Variants in SLC44A5 observed in about 807,000 individuals in gnomAD.
The protein encoded by SLC44A5 is solute carrier family 44 member 5.
A neutral mutation model predicts 101.8 loss-of-function variants in SLC44A5; 57 were observed. That is an observed-to-expected ratio of 0.56 (90% CI 0.45 to 0.70). SLC44A5 has a LOEUF of 0.70. Ranked by LOEUF, SLC44A5 falls within the 30% of genes least tolerant of loss-of-function variation. The probability of loss-of-function intolerance (pLI) is 0.00; values close to 1 mark genes in which losing one functional copy is unlikely to be tolerated. For missense variants in SLC44A5, 737 were observed against 853.1 expected (o/e 0.86, Z 1.70); for synonymous variants, 281 against 290.9 (o/e 0.97, Z 0.35).
In SLC44A5 at chr1:75,203,780, G is replaced by A; in HGVS notation, c.2101C>T (p.Gln701Ter). 8 of 1,550,080 alleles carry A rather than the reference G, an allele frequency of 5.2e-6. No homozygotes were observed. In the South Asian group the frequency reaches 9.6e-5, roughly 19 times the overall value. The change falls in exon 24 of 24, where the codon CAA (glutamine) becomes TAA (stop). Residue 701 changes from glutamine (Q) to a stop codon, truncating the protein, a stop_gained. Transcript: ENST00000370859. LOFTEE classifies it low-confidence loss of function (END_TRUNC). ...GSTARPYYVSQPLLKIFQEEN... is the reference protein window; with the variant it reads ...GSTARPYYVS ...TCCTGGAAAATCTTCAGCAAAGGTTGACTCACATAATAAGGTCTTGCAGTA... is the reference window on the plus strand; with the variant it reads ...TCCTGGAAAATCTTCAGCAAAGGTTAACTCACATAATAAGGTCTTGCAGTA...
chr1:75,397,364 G>A (rs1194571321), intron 2 of SLC44A5, among the ~76,000 whole-genome samples: 1 of 152,104 alleles, frequency 6.6e-6, no homozygotes, highest in Admixed American at 6.6e-5. Context: ...ATTAATTAGA[G>A]CTATTGAAAA....
intron 2 of SLC44A5, among the ~76,000 whole-genome samples, chr1:75,501,602 G>C (rs1011772485): frequency 6.6e-6 from 1 of 152,016 alleles, no homozygotes; most frequent in Non-Finnish European, 1.5e-5. Context: ...TCATTATATT[G>C]AAAGAAACAT....
chr1:75,508,377 A>G (rs893461733), intron 2 of SLC44A5, among the ~76,000 whole-genome samples: 6 of 152,130 alleles, frequency 3.9e-5, no homozygotes, highest in Non-Finnish European at 7.4e-5. Context: ...AGCTTATCAC[A>G]CTAAACACCT....
At chr1:75,229,915 C>T (rs1223411814) in intron 12 of SLC44A5, among the ~76,000 whole-genome samples, 2 of 152,170 alleles carry the variant, frequency 1.3e-5, no homozygotes, top group Non-Finnish European at 2.9e-5. Flanking sequence ...ATGGTTTCAT[C>T]GGTTCTAGAA....
Position 75,219,848 on chromosome 1 carries a change from G to T in SLC44A5, c.1130C>A (p.Thr377Asn), listed in dbSNP as rs1021472543. The T allele has an allele frequency of 3.1e-6, 5 of 1,612,740 alleles. No individual in the cohort carries two copies. In the African/African-American group the frequency reaches 4.0e-5, roughly 13 times the overall value. Residue 377 changes from threonine (T) to asparagine (N), a missense_variant, in exon 15 of 24, where the codon ACT becomes AAT. Physicochemically the swap from Thr to Asn is moderately conservative, Grantham distance 65 (BLOSUM62 0). Around this residue, in one of 3 missense-constraint regions of SLC44A5, gnomAD observed 665 missense variants for 764.4 expected, o/e 0.87. Transcript: ENST00000370859. ...VPSTLVYPALTFILLSICICY... is the reference protein window; with the variant it reads ...VPSTLVYPALNFILLSICICY... Reference sequence around the variant, plus strand: ...AATGCAGATTGAGAGCAAAATGAAAGTTAAAGCTGGATAGACTAATGTACT... The same window carrying T: ...AATGCAGATTGAGAGCAAAATGAAATTTAAAGCTGGATAGACTAATGTACT...
At chr1:75,494,128 C>T (rs976289958) in intron 2 of SLC44A5, among the ~76,000 whole-genome samples, 4 of 152,092 alleles carry the variant, frequency 2.6e-5, no homozygotes, top group African/African-American at 9.7e-5. Context: ...GTGAGTGTGG[C>T]CCCATTTTGT....
chr1:75,348,724 T>C (rs956570364), intron 3 of SLC44A5, among the ~76,000 whole-genome samples: 20 of 152,094 alleles, frequency 1.3e-4, no homozygotes, highest in African/African-American at 4.6e-4. Flanking sequence ...AAGAAAGAAC[T>C]AGATCATTAG....
the SLC44A5 span, among the ~76,000 whole-genome samples, chr1:75,669,087 A>T: frequency 6.6e-6 from 1 of 151,630 alleles, no homozygotes; most frequent in East Asian, 1.9e-4. Context: ...AATCTTTTCA[A>T]TTAAACTTCC....
intron 1 of SLC44A5, among the ~76,000 whole-genome samples, chr1:75,578,342 A>G (rs2102060583): frequency 6.6e-6 from 1 of 152,284 alleles, no homozygotes; most frequent in Middle Eastern, 3.4e-3. Flanking sequence ...CATCTAACAC[A>G]CCAATATTTT....
chr1:75,237,555 C>A lies in SLC44A5; in HGVS notation c.657-485G>T, dbSNP rs141924017. ...ATTTATGTAACTACAACATTGTCAA[C>A]CCCTTCTTCATGTGCCCCAATTGCA... On this transcript the variant is annotated intron_variant, in intron 10 of 23. Transcript: ENST00000370859. 1.8e-3 allele frequency among the ~76,000 whole-genome samples: 267 copies of A among 152,180 alleles called. 1 individual carries two copies. The highest frequency in any genetic ancestry group is 6.2e-3 in the African/African-American group (257 of 41,554).
chr1:75,472,532 G>T (rs1667168127), intron 2 of SLC44A5, among the ~76,000 whole-genome samples: 1 of 152,174 alleles, frequency 6.6e-6, no homozygotes, highest in South Asian at 2.1e-4. Flanking sequence ...AGCTAGGAGT[G>T]TTTTGAGCTT....
chr1:75,396,569 A>T lies in SLC44A5; in HGVS notation c.52+14T>A. On this transcript the variant is annotated intron_variant, in intron 3 of 23. Coordinates refer to ENST00000370859, the MANE Select transcript of SLC44A5 (RefSeq NM_001130058.2). Reference sequence around the variant, plus strand: ...GAAAGATTCTTAGCACTTAATACTCAGACTATGACTTACCAAAGTCCTCTT... The same window carrying T: ...GAAAGATTCTTAGCACTTAATACTCTGACTATGACTTACCAAAGTCCTCTT... 6.2e-7 allele frequency: 1 copy of T among 1,605,610 alleles called. No individual in the cohort carries two copies. The highest frequency in any genetic ancestry group is 8.5e-7 in the Non-Finnish European group (1 of 1,173,096).
At chr1:75,396,551 T>A in intron 3 of SLC44A5, 32 bp downstream of exon 3, 1 of 1,543,754 alleles carries the variant, frequency 6.5e-7, no homozygotes, top group Non-Finnish European at 8.9e-7. Flanking sequence ...CATGAAAGAT[T>A]CTTAGCACTT....
chr1:75,654,774 C>T, the SLC44A5 span, among the ~76,000 whole-genome samples: 8 of 152,072 alleles, frequency 5.3e-5, no homozygotes, highest in African/African-American at 1.9e-4. Flanking sequence ...AACAGCTTCC[C>T]CCCAAAACTT....
At chr1:75,615,793 G>C (rs1164895403), upstream of SLC44A5, 12 of 917,914 alleles carry the variant, frequency 1.3e-5, no homozygotes, top group Non-Finnish European at 1.6e-5. Flanking sequence ...AGGCCGGCCC[G>C]AGGGGCAGAG....
upstream of SLC44A5, among the ~76,000 whole-genome samples, chr1:75,615,087 C>A (rs1675811522): frequency 6.6e-6 from 1 of 152,162 alleles, no homozygotes; most frequent in African/African-American, 2.4e-5. Context: ...CAGCAACAAG[C>A]TCTTCCTTGT....
At chr1:75,435,096 T>C (rs752648635) in intron 2 of SLC44A5, among the ~76,000 whole-genome samples, 1 of 152,126 alleles carries the variant, frequency 6.6e-6, no homozygotes, top group Non-Finnish European at 1.5e-5. Context: ...TAACTCTTCT[T>C]TCATCTCATT....
chr1:75,370,801 A>G (rs1466533868), intron 3 of SLC44A5, among the ~76,000 whole-genome samples: 1 of 152,244 alleles, frequency 6.6e-6, no homozygotes, highest in Non-Finnish European at 1.5e-5. Context: ...GGAGAAAATC[A>G]GCAACAGGAG....
intron 2 of SLC44A5, among the ~76,000 whole-genome samples, chr1:75,455,758 T>C (rs1440145121): frequency 1.3e-5 from 2 of 151,914 alleles, no homozygotes; most frequent in Non-Finnish European, 2.9e-5. Context: ...TATGAAAAGA[T>C]TGTCAACATC....
Sources: gnomAD v4.1 joint callset for allele counts (sites outside exome capture counted in the v4.1 genomes callset) on GRCh38, gnomAD v4.1.1 for gene constraint, gnomAD v4.1.1 regional missense constraint, MANE v1.5 for transcripts, NCBI Gene and HGNC (gene_info 2026-07-23, HGNC 2026-07-21) for gene names.